Variants in NRXN1 observed in about 807,000 individuals in gnomAD.
NRXN1 encodes neurexin 1.
A neutral mutation model predicts 150.9 loss-of-function variants in NRXN1; 39 were observed. The ratio of observed to expected loss-of-function variants is 0.26; its 90% CI spans 0.20 to 0.34. The LOEUF (loss-of-function observed/expected upper bound fraction) is 0.34, where lower values mean the gene tolerates loss of function less well. Among genes scored for constraint, NRXN1 ranks in the 10% least tolerant of loss-of-function variants. The probability of loss-of-function intolerance (pLI) is 1.00; values close to 1 mark genes in which losing one functional copy is unlikely to be tolerated. For missense variants in NRXN1, 1,815 were observed against 1,949.9 expected (o/e 0.93, Z 1.30); for synonymous variants, 924 against 757.0 (o/e 1.22, Z -3.62).
At chr2:50,929,191 C>T (rs1380768227) in intron 2 of NRXN1, among the ~76,000 whole-genome samples, 7 of 152,004 alleles carry the variant, frequency 4.6e-5, no homozygotes, top group Admixed American at 4.6e-4. Context: ...TTTATCATTC[C>T]AGTGTTCTTT....
intron 17 of NRXN1, among the ~76,000 whole-genome samples, chr2:50,449,297 T>A (rs1279399967): frequency 6.6e-6 from 1 of 152,214 alleles, no homozygotes; most frequent in Non-Finnish European, 1.5e-5. Context: ...ATACAGAATT[T>A]TTCTAATTGG....
chr2:50,293,292 T>A (rs982261614), intron 17 of NRXN1, among the ~76,000 whole-genome samples: 2 of 152,042 alleles, frequency 1.3e-5, no homozygotes, highest in African/African-American at 4.8e-5. Context: ...AACATGCCCA[T>A]ATAGTTATAT....
At chr2:50,540,373 G>A (rs900858591) in intron 9 of NRXN1, among the ~76,000 whole-genome samples, 3 of 152,120 alleles carry the variant, frequency 2.0e-5, no homozygotes, top group Non-Finnish European at 4.4e-5. Flanking sequence ...ATAAAGCATG[G>A]CATTTTGGGG....
chr2:50,095,553 GA>G (rs1351672478), intron 18 of NRXN1, among the ~76,000 whole-genome samples: 2 of 152,094 alleles, frequency 1.3e-5, no homozygotes, highest in Non-Finnish European at 2.9e-5. Flanking sequence ...TCAGTGAATA[GA>G]AGCATTGCAA....
intron 17 of NRXN1, among the ~76,000 whole-genome samples, chr2:50,429,188 G>A (rs1262959885): frequency 6.6e-6 from 1 of 152,054 alleles, no homozygotes; most frequent in East Asian, 1.9e-4. Flanking sequence ...TAACCTGAGA[G>A]GTTGTTAAAA....
intron 2 of NRXN1, among the ~76,000 whole-genome samples, chr2:51,025,707 A>G (rs1670335263): frequency 6.6e-6 from 1 of 152,202 alleles, no homozygotes; most frequent in South Asian, 2.1e-4. Context: ...TACAGTATGG[A>G]AATTATCATA....
At chr2:50,109,508 T>A (rs924778600) in intron 18 of NRXN1, among the ~76,000 whole-genome samples, 5 of 152,164 alleles carry the variant, frequency 3.3e-5, no homozygotes, top group Admixed American at 3.3e-4. Context: ...CCTGTCTTTT[T>A]TGAGATCTAA....
intron 21 of NRXN1, among the ~76,000 whole-genome samples, chr2:50,011,556 C>T (rs1330836115): frequency 6.6e-6 from 1 of 152,006 alleles, no homozygotes. Context: ...ATAATACCTA[C>T]CTAAGAAAAA....
chr2:50,481,844 C>T (rs2090488348), intron 15 of NRXN1, among the ~76,000 whole-genome samples: 1 of 121,296 alleles, frequency 8.2e-6, no homozygotes, highest in Non-Finnish European at 1.5e-5. Context: ...CGGCTCACTG[C>T]AAGCTCCGCC....
chr2:50,283,208 A>G (rs1212627509), intron 17 of NRXN1, among the ~76,000 whole-genome samples: 1 of 152,196 alleles, frequency 6.6e-6, no homozygotes, highest in Non-Finnish European at 1.5e-5. Flanking sequence ...CCTTAGAAGT[A>G]TCATACAAGC....
intron 19 of NRXN1, among the ~76,000 whole-genome samples, chr2:50,076,034 T>A (rs1319079841): frequency 5.3e-5 from 8 of 152,158 alleles, no homozygotes; most frequent in Non-Finnish European, 4.4e-5. Flanking sequence ...TTTACTCTTC[T>A]GTGATATCAG....
chr2:50,425,222 T>C (rs947672682), intron 17 of NRXN1, among the ~76,000 whole-genome samples: 6 of 152,210 alleles, frequency 3.9e-5, no homozygotes, highest in Non-Finnish European at 8.8e-5. Context: ...TAATTGTCAA[T>C]AGTAGCTCAT....
rs1295587175 is a variant in NRXN1 at position 50,347,611 on chromosome 2, CACTT to C, written c.3365-110645_3365-110642del. On this transcript the variant is annotated intron_variant, in intron 17 of 22. Coordinates refer to ENST00000401669, the MANE Select transcript of NRXN1 (RefSeq NM_001330078.2). The surrounding 1 kb of genome is among the most constrained non-coding windows in gnomAD (Gnocchi z 4.9). ...AATCTCCGCGTCCGCCGCCTCCTGA[CACTT>C]ACGCCCGGCGAGGGGTTCAGAGGGA... 8 of 1,008,476 alleles carry C rather than the reference CACTT, an allele frequency of 7.9e-6. No homozygotes were observed. Among genetic ancestry groups the C allele is most frequent in the Admixed American group, 5.6e-5 (1 of 17,808 alleles). 62.5% of individuals were successfully genotyped at this position (1,008,476 alleles called of 1,614,324 possible). A position where few individuals can be genotyped will look rare whatever the true frequency, so the allele number is the denominator to read the frequency against.
At chr2:50,765,867 G>A (rs1016397496) in intron 5 of NRXN1, among the ~76,000 whole-genome samples, 8 of 152,036 alleles carry the variant, frequency 5.3e-5, no homozygotes, top group African/African-American at 1.9e-4. Flanking sequence ...ACAGGTGGAA[G>A]AATTGACATA....
intron 8 of NRXN1, among the ~76,000 whole-genome samples, chr2:50,575,681 T>C (rs1331825843): frequency 6.6e-6 from 1 of 152,214 alleles, no homozygotes; most frequent in Non-Finnish European, 1.5e-5. Context: ...TAAAATATGT[T>C]GCTGGATACC....
intron 21 of NRXN1, among the ~76,000 whole-genome samples, chr2:50,027,887 C>A (rs1688599090): frequency 6.6e-6 from 1 of 152,074 alleles, no homozygotes; most frequent in East Asian, 1.9e-4. Flanking sequence ...ACCTTAAGGG[C>A]CTTGCTCCAG....
chr2:50,253,266 C>T (rs1404881268), intron 17 of NRXN1, among the ~76,000 whole-genome samples: 1 of 152,084 alleles, frequency 6.6e-6, no homozygotes, highest in Non-Finnish European at 1.5e-5. Context: ...GATTTTGTAT[C>T]TTGAGACTTT....
chr2:50,627,381 G>GTGTGTC (rs1341901266), intron 5 of NRXN1, among the ~76,000 whole-genome samples: 13 of 151,128 alleles, frequency 8.6e-5, no homozygotes, highest in African/African-American at 3.2e-4. Flanking sequence ...GTGTGTGTGT[G>GTGTGTC]TGTGTGTGTG....
intron 21 of NRXN1, chr2:49,966,818 G>A (rs1677048825): frequency 6.6e-6 from 1 of 152,062 alleles, no homozygotes; most frequent in Non-Finnish European, 1.5e-5. Context: ...ATTCTGGGCT[G>A]GGGATCATAT....
Sources: allele counts gnomAD v4.1 joint callset (sites outside exome capture counted in the v4.1 genomes callset), GRCh38; gene constraint gnomAD v4.1.1; non-coding constraint Gnocchi (gnomAD v3.1); transcripts MANE v1.5; gene names NCBI Gene and HGNC (gene_info 2026-07-23, HGNC 2026-07-21).